Variants in ERBB4 observed in about 807,000 individuals in gnomAD.
ERBB4 encodes the protein receptor tyrosine-protein kinase erbB-4.
In ERBB4, 42 loss-of-function variants were observed where a neutral mutation model predicts 158.0. That is an observed-to-expected ratio of 0.27 (90% CI 0.21 to 0.34). The LOEUF is 0.34. Ranked by LOEUF, ERBB4 falls within the 10% of genes least tolerant of loss-of-function variation. The pLI is 1.00. For missense variants in ERBB4, 1,333 were observed against 1,624.1 expected (o/e 0.82, Z 3.08); for synonymous variants, 583 against 558.7 (o/e 1.04, Z -0.61).
chr2:212,521,214 A>G (rs1692141448), intron 1 of ERBB4, among the ~76,000 whole-genome samples: 1 of 151,954 alleles, frequency 6.6e-6, no homozygotes, highest in Non-Finnish European at 1.5e-5. Flanking sequence ...ATAAGGATGA[A>G]AGGACAGAGG....
intron 2 of ERBB4, among the ~76,000 whole-genome samples, chr2:211,999,800 A>T (rs796123077): frequency 3.3e-5 from 5 of 151,900 alleles, no homozygotes; most frequent in African/African-American, 1.2e-4. Flanking sequence ...GTTTAAAACC[A>T]TCTTACCTAT....
At chr2:212,059,713 T>C (rs992067429) in intron 2 of ERBB4, among the ~76,000 whole-genome samples, 9 of 152,202 alleles carry the variant, frequency 5.9e-5, no homozygotes, top group African/African-American at 1.9e-4. Context: ...ATTTAATAAA[T>C]GGTCCTGGGA....
Position 211,899,965 on chromosome 2 carries a change from C to A in ERBB4, c.421+47465G>T, listed in dbSNP as rs1407314608. On this transcript the variant is annotated intron_variant, in intron 3 of 27. Transcript: ENST00000342788. ...CCAAACTTATAAACTCAGTATTGTA[C>A]TTTTAAGTAAGTTTCTTGAGCACCC... 2.0e-5 allele frequency among the ~76,000 whole-genome samples: 3 copies of A among 152,100 alleles called. No homozygotes were observed. In the East Asian group the frequency reaches 5.8e-4, roughly 29 times the overall value.
At chr2:212,346,679 G>T (rs1297542751) in intron 1 of ERBB4, among the ~76,000 whole-genome samples, 1 of 152,030 alleles carries the variant, frequency 6.6e-6, no homozygotes, top group African/African-American at 2.4e-5. Context: ...ATGGGACATA[G>T]TATGTATTTC....
chr2:211,981,688 G>A (rs1298525989), intron 2 of ERBB4, among the ~76,000 whole-genome samples: 1 of 152,058 alleles, frequency 6.6e-6, no homozygotes, highest in Non-Finnish European at 1.5e-5. Context: ...TTTCCCTGTG[G>A]ACACTTTTGT....
intron 2 of ERBB4, among the ~76,000 whole-genome samples, chr2:212,017,009 G>A (rs2076543771): frequency 2.0e-5 from 3 of 152,046 alleles, no homozygotes; most frequent in Admixed American, 2.0e-4. Flanking sequence ...TTTTTAAAAT[G>A]TCACTAAAAT....
intron 2 of ERBB4, among the ~76,000 whole-genome samples, chr2:211,950,511 T>A (rs1453653095): frequency 6.6e-6 from 1 of 152,126 alleles, no homozygotes; most frequent in Non-Finnish European, 1.5e-5. Flanking sequence ...TATTTAGTAA[T>A]CTCTAGTTGG....
intron 19 of ERBB4, among the ~76,000 whole-genome samples, chr2:211,609,886 T>A (rs1210407276): frequency 6.6e-6 from 1 of 152,206 alleles, no homozygotes; most frequent in African/African-American, 2.4e-5. Flanking sequence ...TTAGTTTCTG[T>A]CAGTCTATGG....
At chr2:211,660,995 G>T (rs2071402885) in intron 15 of ERBB4, among the ~76,000 whole-genome samples, 1 of 152,104 alleles carries the variant, frequency 6.6e-6, no homozygotes, top group South Asian at 2.1e-4. Flanking sequence ...TAGAATTTAG[G>T]TTTTTGTGAG....
chr2:212,069,619 A>AAGAAGAAAAGTTTCTCTATCTGT (rs1309627072), intron 2 of ERBB4, among the ~76,000 whole-genome samples: 1 of 152,094 alleles, frequency 6.6e-6, no homozygotes, highest in African/African-American at 2.4e-5. Flanking sequence ...GATTGGAATG[A>AAGAAGAAAAGTTTCTCTATCTGT]AGAAGAAAAG....
In ERBB4 at chr2:211,420,476, T is replaced by C; in HGVS notation, c.3100A>G (p.Ile1034Val). The change falls in exon 25 of 28, where the codon ATC (isoleucine) becomes GTC (valine). Residue 1034 changes from isoleucine to valine, a missense_variant. Ile to Val is a conservative substitution (Grantham distance 29, BLOSUM62 3). Transcript: ENST00000342788. ...TCAATTCTTGCTCTGGAAGTATAGATGGGAGGTGGGATGTTGAAAGCCTGA... is the reference window on the plus strand; with the variant it reads ...TCAATTCTTGCTCTGGAAGTATAGACGGGAGGTGGGATGTTGAAAGCCTGA... Reference protein sequence around the residue: ...VPQAFNIPPPIYTSRARIDSN... With the variant: ...VPQAFNIPPPVYTSRARIDSN... 6.2e-7 allele frequency: 1 copy of C among 1,612,514 alleles called. No homozygotes were observed. Among genetic ancestry groups the C allele is most frequent in the Non-Finnish European group, 8.5e-7 (1 of 1,178,842 alleles).
chr2:212,418,362 C>T (rs1389680684), intron 1 of ERBB4, among the ~76,000 whole-genome samples: 2 of 151,714 alleles, frequency 1.3e-5, no homozygotes, highest in Non-Finnish European at 2.9e-5. Context: ...CCATATTCAG[C>T]AAGTACAATA....
At position 211,391,536 on chromosome 2, in the gene ERBB4, G is replaced by T. The variant is rs188141498; in HGVS notation, c.3136-3544C>A. Among the ~76,000 whole-genome samples the T allele has an allele frequency of 3.8e-3, 572 of 152,126 alleles. 3 individuals carry two copies. Among genetic ancestry groups the T allele is most frequent in the Non-Finnish European group, 6.4e-3 (437 of 67,986 alleles). Reference sequence around the variant, plus strand: ...AGGTGATACTGAGTTTGTTCCTGGTGGGGGGGTTTGTAAGGGTGATGGATG... The same window carrying T: ...AGGTGATACTGAGTTTGTTCCTGGTTGGGGGGTTTGTAAGGGTGATGGATG... On this transcript the variant is annotated intron_variant, in intron 25 of 27. Coordinates refer to ENST00000342788, the MANE Select transcript of ERBB4 (RefSeq NM_005235.3).
intron 1 of ERBB4, among the ~76,000 whole-genome samples, chr2:212,368,070 C>G (rs1456752119): frequency 6.6e-6 from 1 of 152,058 alleles, no homozygotes; most frequent in Non-Finnish European, 1.5e-5. Flanking sequence ...ATCCAGCAAT[C>G]CCACTATTGG....
At chr2:211,732,520 C>T (rs1200743058) in intron 5 of ERBB4, among the ~76,000 whole-genome samples, 1 of 152,170 alleles carries the variant, frequency 6.6e-6, no homozygotes, top group African/African-American at 2.4e-5. Context: ...TCTAAATAAA[C>T]CGACCAGGCC....
chr2:211,680,386 A>G (rs962335781), intron 12 of ERBB4, among the ~76,000 whole-genome samples: 1 of 152,212 alleles, frequency 6.6e-6, no homozygotes, highest in Non-Finnish European at 1.5e-5. Flanking sequence ...AGGTATTTGA[A>G]ACACAACTTC....
intron 1 of ERBB4, among the ~76,000 whole-genome samples, chr2:212,366,032 C>T (rs978917686): frequency 1.3e-5 from 2 of 151,694 alleles, no homozygotes; most frequent in Non-Finnish European, 1.5e-5. Flanking sequence ...AGAAAATGCC[C>T]TAAAAATTTT....
chr2:212,226,734 T>C (rs909128523), intron 1 of ERBB4, among the ~76,000 whole-genome samples: 1 of 152,174 alleles, frequency 6.6e-6, no homozygotes, highest in African/African-American at 2.4e-5. Flanking sequence ...TTATCAGTCT[T>C]ATCATATAAC....
chr2:212,478,740 C>T lies in ERBB4; in HGVS notation c.82+59709G>A, dbSNP rs1351589. Among the ~76,000 whole-genome samples the T allele has an allele frequency of 9.6e-3, 1,456 of 151,950 alleles. 33 individuals carry two copies. Among genetic ancestry groups the T allele is most frequent in the African/African-American group, 0.033 (1,380 of 41,446 alleles). On this transcript the variant is annotated intron_variant, in intron 1 of 27. Transcript: ENST00000342788. ...GTCTCTCTTATTAATAATATCATAACCTAAATGCCACCAAGACCTCCAACT... is the reference window on the plus strand; with the variant it reads ...GTCTCTCTTATTAATAATATCATAATCTAAATGCCACCAAGACCTCCAACT...
Sources: allele counts gnomAD v4.1 joint callset (sites outside exome capture counted in the v4.1 genomes callset), GRCh38; gene constraint gnomAD v4.1.1; transcripts MANE v1.5; gene names NCBI Gene and HGNC (gene_info 2026-07-23, HGNC 2026-07-21).